Variants in ZNF692 observed in about 807,000 individuals in gnomAD.
ZNF692 encodes the protein AICAR responsive element binding protein.
Under a neutral mutation model 49.0 loss-of-function variants are expected in ZNF692, and 41 were observed. The observed-to-expected ratio is 0.84, with a 90% CI of 0.65 to 1.08. ZNF692 has a LOEUF of 1.08. Among genes scored for constraint, ZNF692 ranks in the 50% least tolerant of loss-of-function variants. The pLI is 0.00. For missense variants in ZNF692, 662 were observed against 662.2 expected (o/e 1.00, Z 0.00); for synonymous variants, 288 against 251.5 (o/e 1.15, Z -1.37).
Position 248,854,004 on chromosome 1 carries a change from T to TGG in ZNF692, c.1084_1085dup (p.Glu363GlnfsTer15). ...TGAAAGACTTCCCACAGGCTGGCTC[T>TGG]GGGCAGGAGAAAGACTTCTGGTGGA... On this transcript the variant is annotated frameshift_variant, in exon 10 of 12. Coordinates refer to ENST00000306601, the MANE Select transcript of ZNF692 (RefSeq NM_017865.4). LOFTEE classifies it high-confidence loss of function. 6.2e-7 allele frequency: 1 copy of TGG among 1,614,216 alleles called. No individual in the cohort carries two copies. The highest frequency in any genetic ancestry group is 8.5e-7 in the Non-Finnish European group (1 of 1,180,022).
At chr1:248,852,222 C>T (rs1457478644) in intron 10 of ZNF692, among the ~76,000 whole-genome samples, 1 of 152,222 alleles carries the variant, frequency 6.6e-6, no homozygotes, top group Non-Finnish European at 1.5e-5. Flanking sequence ...AGACATTTCA[C>T]ACCACCTCCT....
intron 3 of ZNF692, 83 bp downstream of exon 3, chr1:248,857,745 C>A: frequency 1.3e-6 from 2 of 1,562,900 alleles, no homozygotes; most frequent in South Asian, 1.2e-5. Flanking sequence ...TTACTCAGGG[C>A]TCCCTTTGAA....
intron 10 of ZNF692, among the ~76,000 whole-genome samples, chr1:248,851,664 A>G (rs2103041422): frequency 6.6e-6 from 1 of 151,850 alleles, no homozygotes; most frequent in South Asian, 2.1e-4. Flanking sequence ...GTCAATCAGC[A>G]CTCCAGCCCT....
intron 9 of ZNF692, 101 bp downstream of exon 9, chr1:248,855,279 G>C: frequency 1.7e-6 from 2 of 1,176,226 alleles, no homozygotes; most frequent in Non-Finnish European, 2.5e-6. Flanking sequence ...CTGCTTCCTG[G>C]TTCTGAATCC....
intron 10 of ZNF692, among the ~76,000 whole-genome samples, chr1:248,852,699 TA>T (rs1659737500): frequency 6.6e-6 from 1 of 152,206 alleles, no homozygotes; most frequent in South Asian, 2.1e-4. Flanking sequence ...TCTGGTCTCC[TA>T]TTCTCAGCTC....
intron 9 of ZNF692, 88 bp from the exon 10 acceptor site, chr1:248,854,139 A>G: frequency 1.0e-6 from 1 of 972,882 alleles, no homozygotes; most frequent in Non-Finnish European, 1.6e-6. Context: ...CCCGGCAGGC[A>G]TGCTCCTCTG....
At position 248,858,403 on chromosome 1, in the gene ZNF692, G is replaced by A; in HGVS notation, c.-12-82C>T. 6.5e-7 allele frequency: 1 copy of A among 1,545,364 alleles called. No individual in the cohort carries two copies. Among genetic ancestry groups the A allele is most frequent in the Admixed American group, 2.0e-5 (1 of 50,932 alleles). ...GGCTCCACCTGCCGTTAGGGCCTCA[G>A]TTTCCTCATCAGTGAACTGGGGCAA... On this transcript the variant is annotated intron_variant, in intron 1 of 11. Transcript: ENST00000306601. This position sits in a 1 kb window ranked among gnomAD's most constrained non-coding sequence, Gnocchi z 4.3.
Position 248,855,542 on chromosome 1 carries a change from T to A in ZNF692, c.959+16A>T. 1.9e-6 allele frequency: 3 copies of A among 1,614,060 alleles called. No homozygotes were observed. The highest frequency in any genetic ancestry group is 2.5e-6 in the Non-Finnish European group (3 of 1,179,990). On this transcript the variant is annotated intron_variant, in intron 8 of 11. Transcript: ENST00000306601. ...CCTCTCGGCCCTCCCCAGAACCCCA[T>A]CTCCCTAAGTCCTACCTAATTCTCT...
rs1659394466 is a variant in ZNF692 at position 248,850,284 on chromosome 1, C to T, written c.1486G>A (p.Gly496Arg). 1 of 1,606,930 alleles carries T rather than the reference C, an allele frequency of 6.2e-7. No individual in the cohort carries two copies. The highest frequency in any genetic ancestry group is 8.5e-7 in the Non-Finnish European group (1 of 1,175,530). ...GACCCCTCGCTGGATCCCAGAGGCC[C>T]AGGGGCAGAGATGCTGGGACAGGGC... ...LEPCPSISAPGPLGSSEGSRP... is the reference protein window; with the variant it reads ...LEPCPSISAPRPLGSSEGSRP... The change falls in exon 12 of 12, where the codon GGG becomes AGG. Residue 496 changes from glycine to arginine, a missense_variant. Physicochemically the swap from Gly to Arg is moderately radical, Grantham distance 125. Coordinates refer to ENST00000306601, the MANE Select transcript of ZNF692 (RefSeq NM_017865.4).
Position 248,851,223 on chromosome 1 carries a change from G to A in ZNF692, c.1154-442C>T, listed in dbSNP as rs56683111. 3.9e-3 allele frequency among the ~76,000 whole-genome samples: 599 copies of A among 152,252 alleles called. 2 individuals carry two copies. Among genetic ancestry groups the A allele is most frequent in the African/African-American group, 0.014 (563 of 41,538 alleles). ...GATTGAAGCTCAAGGCCCAAGGACA[G>A]ACCCTGGCACCTGGAATCATCTACC... On this transcript the variant is annotated intron_variant, in intron 10 of 11. Transcript: ENST00000306601.
rs1660461324 is a variant in ZNF692 at position 248,858,138 on chromosome 1, A to G, written c.172T>C (p.Leu58=). Residue 58 remains leucine, a synonymous_variant, in exon 2 of 12, where the codon TTG becomes CTG. Transcript: ENST00000306601. The surrounding 1 kb of genome is among the most constrained non-coding windows in gnomAD (Gnocchi z 4.3). The part of the protein sequence containing the change: ...SLHSQLAKFL[L]DRYTSSGCVL... Reference sequence around the variant, plus strand: ...CTTCTCCCGGCCCCTAACCGGTCCAACAGGAACTTGGCGAGCTGCGAGTGC... The same window carrying G: ...CTTCTCCCGGCCCCTAACCGGTCCAGCAGGAACTTGGCGAGCTGCGAGTGC... 5 of 1,567,672 alleles carry G rather than the reference A, an allele frequency of 3.2e-6. No homozygotes were observed. The highest frequency in any genetic ancestry group is 1.1e-5 in the South Asian group (1 of 88,778).
At chr1:248,854,465 T>G (rs1235067487) in intron 9 of ZNF692, 1 of 177,740 alleles carries the variant, frequency 5.6e-6, no homozygotes, top group African/African-American at 2.4e-5. Flanking sequence ...TTGATGTCAG[T>G]ATTCACGTAC....
rs201174336 is a variant in ZNF692 at position 248,855,640 on chromosome 1, G to A, written c.882-5C>T. 218 of 1,614,166 alleles carry A rather than the reference G, an allele frequency of 1.4e-4. No individual in the cohort carries two copies. The highest frequency in any genetic ancestry group is 1.6e-4 in the Non-Finnish European group (193 of 1,180,040). ...GACTGGGCCTGACTCCCAGTGCTAC[G>A]GGCAGCAAAGAGGGAGCAGAGGGCC... On this transcript the variant is annotated splice_polypyrimidine_tract_variant and splice_region_variant and intron_variant, in intron 7 of 11. Coordinates refer to ENST00000306601, the MANE Select transcript of ZNF692 (RefSeq NM_017865.4).
chr1:248,853,929 C>A lies in ZNF692; in HGVS notation c.1153+8G>T. ...TCCCACAGAGGAAGGTGGAGTTCCACCACTCACCACTGTGCAGCTTCATGT... is the reference window on the plus strand; with the variant it reads ...TCCCACAGAGGAAGGTGGAGTTCCAACACTCACCACTGTGCAGCTTCATGT... On this transcript the variant is annotated splice_region_variant and intron_variant, in intron 10 of 11. Transcript: ENST00000306601. The A allele has an allele frequency of 6.2e-7, 1 of 1,608,132 alleles. No homozygotes were observed. The highest frequency in any genetic ancestry group is 8.5e-7 in the Non-Finnish European group (1 of 1,174,752).
At position 248,858,453 on chromosome 1, in the gene ZNF692, G is replaced by T. The variant is rs1243701568; in HGVS notation, c.-12-132C>A. ...AGACTAAACTATTTCAATAGCAGTG[G>T]CAGGTGTGGAGCCAAACCCCGTCCT... On this transcript the variant is annotated intron_variant, in intron 1 of 11. Coordinates refer to ENST00000306601, the MANE Select transcript of ZNF692 (RefSeq NM_017865.4). The surrounding 1 kb of genome is among the most constrained non-coding windows in gnomAD (Gnocchi z 4.3). 6.4e-7 allele frequency: 1 copy of T among 1,551,262 alleles called. No individual in the cohort carries two copies. The highest frequency in any genetic ancestry group is 2.4e-5 in the East Asian group (1 of 40,936).
intron 10 of ZNF692, among the ~76,000 whole-genome samples, chr1:248,853,363 G>A (rs1659829776): frequency 1.3e-5 from 2 of 152,174 alleles, no homozygotes; most frequent in East Asian, 1.9e-4. Flanking sequence ...AAGACTCTGC[G>A]ATGGCACCCA....
Position 248,857,495 on chromosome 1 carries a change from G to A in ZNF692, c.214C>T (p.Pro72Ser). ...AGACCTTTTGGAGGCAAAGGCTCAGGACCTGGAGGGGTGGGGGAAGCAGTC... is the reference window on the plus strand; with the variant it reads ...AGACCTTTTGGAGGCAAAGGCTCAGAACCTGGAGGGGTGGGGGAAGCAGTC... ...TSSGCVLCAG[P>S]EPLPPKGLQY... Residue 72 changes from proline to serine, a missense_variant and splice_region_variant, in exon 4 of 12, where the codon CCT (proline) becomes TCT (serine). Pro to Ser is a moderately conservative substitution (Grantham distance 74, BLOSUM62 -1). Coordinates refer to ENST00000306601, the MANE Select transcript of ZNF692 (RefSeq NM_017865.4). The A allele has an allele frequency of 6.2e-7, 1 of 1,610,870 alleles. No homozygotes were observed. The highest frequency in any genetic ancestry group is 8.5e-7 in the Non-Finnish European group (1 of 1,178,024).
Position 248,857,867 on chromosome 1 carries a change from CAGG to C in ZNF692, c.180-11_180-9del, listed in dbSNP as rs767228704. 23 of 1,613,766 alleles carry C rather than the reference CAGG, an allele frequency of 1.4e-5. No individual in the cohort carries two copies. The highest frequency in any genetic ancestry group is 8.0e-5 in the African/African-American group (6 of 75,024). Reference sequence around the variant, plus strand: ...CAGCCTGAAGAAGTGTACCTGCCAGCAGGAGAAGAGGCAGGTCAGGACTCAGGT... The same window carrying C: ...CAGCCTGAAGAAGTGTACCTGCCAGCAGAAGAGGCAGGTCAGGACTCAGGT... On this transcript the variant is annotated splice_polypyrimidine_tract_variant and intron_variant, in intron 2 of 11. Transcript: ENST00000306601.
Position 248,858,453 on chromosome 1 carries a change from G to A in ZNF692, c.-12-132C>T. 2 of 1,551,380 alleles carry A rather than the reference G, an allele frequency of 1.3e-6. No individual in the cohort carries two copies. The highest frequency in any genetic ancestry group is 1.2e-5 in the South Asian group (1 of 84,056). ...AGACTAAACTATTTCAATAGCAGTG[G>A]CAGGTGTGGAGCCAAACCCCGTCCT... On this transcript the variant is annotated intron_variant, in intron 1 of 11. Coordinates refer to ENST00000306601, the MANE Select transcript of ZNF692 (RefSeq NM_017865.4). This position sits in a 1 kb window ranked among gnomAD's most constrained non-coding sequence, Gnocchi z 4.3.
Sources: allele counts gnomAD v4.1 joint callset (sites outside exome capture counted in the v4.1 genomes callset), GRCh38; gene constraint gnomAD v4.1.1; non-coding constraint Gnocchi (gnomAD v3.1); transcripts MANE v1.5; gene names NCBI Gene and HGNC (gene_info 2026-07-23, HGNC 2026-07-21).